FLNB: variants seen among roughly 807,000 people sequenced by gnomAD.
FLNB encodes the protein filamin B.
FLNB carries 111 observed loss-of-function variants against 250.6 expected under a neutral mutation model. The ratio of observed to expected loss-of-function variants is 0.44; its 90% CI spans 0.38 to 0.52. FLNB has a LOEUF of 0.52. Among genes scored for constraint, FLNB ranks in the 20% least tolerant of loss-of-function variants. The pLI is 0.00. For missense variants in FLNB, 2,869 were observed against 3,447.8 expected (o/e 0.83, Z 4.20); for synonymous variants, 1,302 against 1,372.1 (o/e 0.95, Z 1.13).
At chr3:58,106,899 T>C in intron 12 of FLNB, 26 bp downstream of exon 12, 1 of 1,604,604 alleles carries the variant, frequency 6.2e-7, no homozygotes, top group Non-Finnish European at 8.5e-7. Flanking sequence ...TGCTTCTGTC[T>C]TCTTGTCCCT....
In FLNB at chr3:58,136,166, C is replaced by T. The variant is rs753946814; in HGVS notation, c.4859C>T (p.Thr1620Met). The T allele has an allele frequency of 2.8e-5, 45 of 1,614,016 alleles. No homozygotes were observed. The Admixed American group carries it at 6.3e-4, about 23-fold the overall frequency. Residue 1620 changes from threonine to methionine, a missense_variant and splice_region_variant, in exon 28 of 46, where the codon ACG becomes ATG. Physicochemically the swap from Thr to Met is moderately conservative, Grantham distance 81 (BLOSUM62 -1). This residue lies in a region of FLNB where 3 missense variants were observed against 17.5 expected (regional missense o/e 0.17). Coordinates refer to ENST00000295956, the MANE Select transcript of FLNB (RefSeq NM_001457.4). ...QTGDASKCLATGPGIASTVKT... is the reference protein window; with the variant it reads ...QTGDASKCLAMGPGIASTVKT... ...GGTGATGCCAGCAAGTGCCTGGCCA[C>T]GGGTGAGTACAGGGCATCTCAAGGT...
At position 58,122,188 on chromosome 3, in the gene FLNB, C is replaced by A. The variant is rs865803964; in HGVS notation, c.3126+685C>A. ...CGTCTCAAAAAAAAAAAAAAAAAAA[C>A]CACAAAAAAAAACATTATTCTTGGC... is the stretch of plus-strand genomic sequence containing the variant. On this transcript the variant is annotated intron_variant, in intron 20 of 45. Coordinates refer to ENST00000295956, the MANE Select transcript of FLNB (RefSeq NM_001457.4). 1.2e-3 allele frequency among the ~76,000 whole-genome samples: 155 copies of A among 128,158 alleles called. 1 individual carries two copies. Among genetic ancestry groups the A allele is most frequent in the Admixed American group, 2.4e-3 (30 of 12,332 alleles). 84.1% of individuals were successfully genotyped at this position (128,158 alleles called of 152,430 possible). A position where few individuals can be genotyped will look rare whatever the true frequency, so the allele number is the denominator to read the frequency against.
chr3:58,103,891 C>T, intron 9 of FLNB, 68 bp from the exon 10 acceptor site: 1 of 1,596,546 alleles, frequency 6.3e-7, no homozygotes, highest in Non-Finnish European at 8.6e-7. Flanking sequence ...CCTCTCTGTT[C>T]TTGTCCTTTT....
intron 38 of FLNB, chr3:58,152,635 G>A: frequency 3.4e-6 from 2 of 595,102 alleles, no homozygotes; most frequent in Admixed American, 3.2e-5. Flanking sequence ...TTTGAATTTT[G>A]GAGGGACACA....
chr3:58,108,425 C>T, intron 12 of FLNB, 33 bp from the exon 13 acceptor site: 2 of 1,416,720 alleles, frequency 1.4e-6, no homozygotes, highest in South Asian at 1.2e-5. Context: ...GGGCATTACA[C>T]AGAAAGAGAC....
At chr3:58,133,283 A>C (rs1284638945) in intron 26 of FLNB, among the ~76,000 whole-genome samples, 2 of 152,090 alleles carry the variant, frequency 1.3e-5, no homozygotes, top group Non-Finnish European at 2.9e-5. Flanking sequence ...TTTAGTTTAA[A>C]GGTGAGCTGA....
At chr3:58,080,457 C>T (rs1261977509) in intron 3 of FLNB, among the ~76,000 whole-genome samples, 1 of 151,738 alleles carries the variant, frequency 6.6e-6, no homozygotes, top group East Asian at 1.9e-4. Context: ...TAGTCTTGCT[C>T]CTAAGCTGAA....
intron 4 of FLNB, among the ~76,000 whole-genome samples, chr3:58,085,536 A>G (rs1231991771): frequency 6.6e-6 from 1 of 152,166 alleles, no homozygotes; most frequent in Non-Finnish European, 1.5e-5. Flanking sequence ...GCCAGTTAGC[A>G]TTTGTTGATC....
intron 42 of FLNB, among the ~76,000 whole-genome samples, chr3:58,160,596 G>T (rs1324693332): frequency 6.6e-6 from 1 of 152,172 alleles, no homozygotes; most frequent in African/African-American, 2.4e-5. Context: ...TCTCAGAGGA[G>T]GTGACATTTG....
chr3:58,086,460 G>T (rs980202201), intron 4 of FLNB, among the ~76,000 whole-genome samples: 1 of 119,900 alleles, frequency 8.3e-6, no homozygotes, highest in Non-Finnish European at 1.7e-5. Flanking sequence ...TTTATTTCTA[G>T]CCTTTTTTCT....
Position 58,009,139 on chromosome 3 carries a change from G to A in FLNB, c.292+283G>A, listed in dbSNP as rs114032500. Reference sequence around the variant, plus strand: ...GGGTCACAGGAGGAGAGGTGGAGTTGTTGCATTTCTCTACACCTGGGGCGC... The same window carrying A: ...GGGTCACAGGAGGAGAGGTGGAGTTATTGCATTTCTCTACACCTGGGGCGC... On this transcript the variant is annotated intron_variant, in intron 1 of 45. Coordinates refer to ENST00000295956, the MANE Select transcript of FLNB (RefSeq NM_001457.4). Among the ~76,000 whole-genome samples, 891 of 152,274 alleles carry A rather than the reference G, an allele frequency of 5.9e-3. 10 individuals carry two copies. Among genetic ancestry groups the A allele is most frequent in the African/African-American group, 0.02 (842 of 41,550 alleles).
In FLNB at chr3:58,136,007, T is replaced by C. The variant is rs1247503754; in HGVS notation, c.4700T>C (p.Ile1567Thr). 6.2e-7 allele frequency: 1 copy of C among 1,614,210 alleles called. No individual in the cohort carries two copies. The highest frequency in any genetic ancestry group is 8.5e-7 in the Non-Finnish European group (1 of 1,180,026). ...TDQEGKPKRAIVHDNKDGTYA... is the reference protein window; with the variant it reads ...TDQEGKPKRATVHDNKDGTYA... ...CAAGAAGGAAAACCCAAAAGAGCCA[T>C]TGTCCATGACAATAAAGATGGCACG... is the stretch of plus-strand genomic sequence containing the variant. The change falls in exon 28 of 46, where the codon ATT becomes ACT. Residue 1567 changes from isoleucine (I) to threonine (T), a missense_variant. Ile to Thr is a moderately conservative substitution (Grantham distance 89). Transcript: ENST00000295956.
intron 42 of FLNB, chr3:58,162,552 TC>T (rs903776408): frequency 6.6e-6 from 1 of 152,542 alleles, no homozygotes; most frequent in African/African-American, 2.4e-5. Flanking sequence ...TTTTCTTTTT[TC>T]CCTTCATATA....
At chr3:58,137,857 C>T (rs1432910873) in intron 28 of FLNB, among the ~76,000 whole-genome samples, 1 of 152,200 alleles carries the variant, frequency 6.6e-6, no homozygotes, top group Non-Finnish European at 1.5e-5. Flanking sequence ...TTTTCTGTAA[C>T]TTAGTTCCTC....
rs992004206 is a variant in FLNB, at chr3:58,117,771, C to G, written c.2746-1101C>G. Among the ~76,000 whole-genome samples the G allele has an allele frequency of 1.5e-4, 23 of 151,234 alleles. 1 individual carries two copies. The highest frequency in any genetic ancestry group is 1.4e-3 in the Admixed American group (22 of 15,208). On this transcript the variant is annotated intron_variant, in intron 18 of 45. Transcript: ENST00000295956. Reference sequence around the variant, plus strand: ...TTAAAAATGCTGGAAAATTAATCCTCTCTTCATTGATGCAACCAGTTTTTT... The same window carrying G: ...TTAAAAATGCTGGAAAATTAATCCTGTCTTCATTGATGCAACCAGTTTTTT...
At chr3:58,110,321 G>C in intron 16 of FLNB, 151 bp downstream of exon 16, 1 of 850,370 alleles carries the variant, frequency 1.2e-6, no homozygotes, top group South Asian at 1.6e-5. Context: ...AGAGTGCAGT[G>C]GTGTGATCTT....
intron 38 of FLNB, among the ~76,000 whole-genome samples, chr3:58,151,899 C>T (rs2097345733): frequency 6.6e-6 from 1 of 152,252 alleles, no homozygotes; most frequent in African/African-American, 2.4e-5. Context: ...CATACTCCCC[C>T]ACCAGCACTG....
intron 6 of FLNB, among the ~76,000 whole-genome samples, chr3:58,097,060 G>A (rs1052365480): frequency 3.7e-4 from 57 of 152,260 alleles, no homozygotes; most frequent in African/African-American, 1.3e-3. Flanking sequence ...GCAGGAGAGT[G>A]GGGTGACCCA....
chr3:58,020,719 GAAAA>G (rs10716613), intron 1 of FLNB, among the ~76,000 whole-genome samples: 2 of 125,204 alleles, frequency 1.6e-5, no homozygotes, highest in African/African-American at 2.9e-5. Context: ...TTCCTTTCCA[GAAAA>G]AAAAAAAAAA....
Sources: gnomAD v4.1 joint callset for allele counts (sites outside exome capture counted in the v4.1 genomes callset) on GRCh38, gnomAD v4.1.1 for gene constraint, gnomAD v4.1.1 regional missense constraint, MANE v1.5 for transcripts, NCBI Gene and HGNC (gene_info 2026-07-23, HGNC 2026-07-21) for gene names.